The following ITFG1 variants were observed in gnomAD, a reference collection of about 807,000 sequenced individuals.
ITFG1 encodes integrin alpha FG-GAP repeat containing 1.
ITFG1 carries 34 observed loss-of-function variants against 81.8 expected under a neutral mutation model. The ratio of observed to expected loss-of-function variants is 0.42; its 90% confidence interval spans 0.32 to 0.55. The LOEUF (loss-of-function observed/expected upper bound fraction) is 0.55, where lower values mean the gene tolerates loss of function less well. Among genes scored for constraint, ITFG1 ranks in the 20% least tolerant of loss-of-function variants. The probability of loss-of-function intolerance (pLI) is 0.17; values close to 1 mark genes in which losing one functional copy is unlikely to be tolerated. For synonymous variants in ITFG1, 285 were observed against 270.6 expected, an observed-to-expected ratio of 1.05 and a Z score of -0.52; for missense variants, 672 against 755.4, an observed-to-expected ratio of 0.89 and a Z score of 1.29.
At chr16:47,400,653 G>C (rs959958949) in intron 6 of ITFG1, among the ~76,000 whole-genome samples, 1 of 152,120 alleles carries the variant, frequency 6.6e-6, no homozygotes, top group African/African-American at 2.4e-5. Flanking sequence ...CCAGAAAAAA[G>C]AGGTGTCAGT....
intron 6 of ITFG1, among the ~76,000 whole-genome samples, chr16:47,381,098 T>G (rs1968390739): frequency 6.6e-6 from 1 of 152,254 alleles, no homozygotes. Flanking sequence ...CTTTGTCAAC[T>G]GCAGCTTAGC....
intron 8 of ITFG1, among the ~76,000 whole-genome samples, chr16:47,359,265 TC>T (rs901501951): frequency 3.9e-5 from 6 of 152,208 alleles, no homozygotes; most frequent in African/African-American, 1.4e-4. Flanking sequence ...TCTGTGTCTC[TC>T]CAGAGCTTTT....
At chr16:47,308,710 C>T (rs1040043506) in intron 10 of ITFG1, among the ~76,000 whole-genome samples, 15 of 152,138 alleles carry the variant, frequency 9.9e-5, no homozygotes, top group Non-Finnish European at 1.3e-4. Flanking sequence ...GATTTACTTG[C>T]CATTTAATAG....
chr16:47,285,433 C>T (rs1187533829), intron 10 of ITFG1, among the ~76,000 whole-genome samples: 2 of 152,296 alleles, frequency 1.3e-5, no homozygotes, highest in Admixed American at 1.3e-4. Flanking sequence ...TCTCTGAGTT[C>T]TGTAAGCCAC....
At chr16:47,283,354 T>A (rs573229053) in intron 10 of ITFG1, among the ~76,000 whole-genome samples, 1 of 152,278 alleles carries the variant, frequency 6.6e-6, no homozygotes, top group Admixed American at 6.5e-5. Flanking sequence ...CTCCCCATTG[T>A]GTATTTTTGT....
chr16:47,361,962 C>CCTAA (rs2151585549), intron 8 of ITFG1, among the ~76,000 whole-genome samples: 1 of 152,242 alleles, frequency 6.6e-6, no homozygotes, highest in Non-Finnish European at 1.5e-5. Context: ...TTTCCCTCAT[C>CCTAA]TTAGGTCTGC....
intron 12 of ITFG1, among the ~76,000 whole-genome samples, chr16:47,242,695 A>G (rs1449041494): frequency 6.6e-6 from 1 of 152,230 alleles, no homozygotes; most frequent in Non-Finnish European, 1.5e-5. Context: ...GGTGTTAGGA[A>G]AAGAGCATTT....
intron 8 of ITFG1, among the ~76,000 whole-genome samples, chr16:47,354,209 A>C (rs189501126): frequency 3.2e-4 from 48 of 152,322 alleles, no homozygotes; most frequent in African/African-American, 9.6e-4. Flanking sequence ...ACAGAAACAT[A>C]GACCAATAGA....
rs576108438 is a variant in ITFG1, at chr16:47,219,345, C to T, written c.1375-399G>A. Among the ~76,000 whole-genome samples the T allele has an allele frequency of 8.5e-5, 13 of 152,116 alleles. No individual in the cohort carries two copies. In the East Asian group the frequency reaches 1.3e-3, roughly 16 times the overall value. On this transcript the variant is annotated intron_variant, in intron 13 of 17. Coordinates refer to ENST00000320640, the MANE Select transcript of ITFG1 (RefSeq NM_030790.5). ...AAATAAAATCCATCCACAATAATTACGATAGAATAAAAAATACTGATGATT... is the reference window on the plus strand; with the variant it reads ...AAATAAAATCCATCCACAATAATTATGATAGAATAAAAAATACTGATGATT...
chr16:47,409,561 G>A lies in ITFG1; in HGVS notation c.655+19243C>T, dbSNP rs563822989. ...CTCCTGAGTAGCTGGGATTACAGGC[G>A]CACACCACCACACCCAGCTAATTTT... On this transcript the variant is annotated intron_variant, in intron 6 of 17. Coordinates refer to ENST00000320640, the MANE Select transcript of ITFG1 (RefSeq NM_030790.5). 4.7e-5 allele frequency among the ~76,000 whole-genome samples: 7 copies of A among 148,494 alleles called. 1 individual carries two copies. The highest frequency in any genetic ancestry group is 4.0e-4 in the East Asian group (2 of 4,994).
intron 6 of ITFG1, among the ~76,000 whole-genome samples, chr16:47,421,905 A>G (rs1968955310): frequency 6.6e-6 from 1 of 152,072 alleles, no homozygotes; most frequent in Non-Finnish European, 1.5e-5. Flanking sequence ...TTCCACTGCC[A>G]CCTGTGAGTG....
chr16:47,243,116 A>C (rs1161554277), intron 12 of ITFG1, among the ~76,000 whole-genome samples: 1 of 152,194 alleles, frequency 6.6e-6, no homozygotes, highest in Non-Finnish European at 1.5e-5. Flanking sequence ...ACCACATGAT[A>C]TATGTGAATA....
intron 8 of ITFG1, among the ~76,000 whole-genome samples, chr16:47,353,543 T>C (rs1414239936): frequency 1.3e-5 from 2 of 152,098 alleles, no homozygotes; most frequent in Non-Finnish European, 2.9e-5. Flanking sequence ...ATTGGAAATC[T>C]TAGCCAGAGC....
intron 8 of ITFG1, among the ~76,000 whole-genome samples, chr16:47,362,552 G>A (rs924254695): frequency 6.6e-6 from 1 of 152,262 alleles, no homozygotes; most frequent in Non-Finnish European, 1.5e-5. Context: ...CATTTATTAT[G>A]CTTCTATATT....
intron 14 of ITFG1, among the ~76,000 whole-genome samples, chr16:47,187,298 C>T (rs1472657816): frequency 4.6e-5 from 7 of 152,088 alleles, no homozygotes; most frequent in Admixed American, 2.6e-4. Context: ...GAGCCCGCAT[C>T]GCCAAGTCAA....
intron 12 of ITFG1, among the ~76,000 whole-genome samples, chr16:47,251,834 T>C (rs1289508112): frequency 6.6e-6 from 1 of 152,160 alleles, no homozygotes; most frequent in Non-Finnish European, 1.5e-5. Context: ...GTAATAAAAG[T>C]TATGTGAATG....
chr16:47,422,855 A>G (rs1968968856), intron 6 of ITFG1, among the ~76,000 whole-genome samples: 1 of 152,090 alleles, frequency 6.6e-6, no homozygotes, highest in Non-Finnish European at 1.5e-5. Context: ...TATGTGGTCA[A>G]TTTTAGAATA....
chr16:47,395,706 A>G (rs548213867), intron 6 of ITFG1, among the ~76,000 whole-genome samples: 1 of 152,346 alleles, frequency 6.6e-6, no homozygotes, highest in South Asian at 2.1e-4. Context: ...ACTTTATAGT[A>G]AGAGCCGAGT....
intron 6 of ITFG1, among the ~76,000 whole-genome samples, chr16:47,388,032 AT>A (rs1195868107): frequency 2.0e-5 from 3 of 152,310 alleles, no homozygotes; most frequent in South Asian, 4.1e-4. Context: ...CCAAATGGAA[AT>A]TATGGAACTG....
Sources: allele counts gnomAD v4.1 joint callset (sites outside exome capture counted in the v4.1 genomes callset), GRCh38; gene constraint gnomAD v4.1.1; transcripts MANE v1.5; gene names NCBI Gene and HGNC (gene_info 2026-07-23, HGNC 2026-07-21).